The following SCN11A variants were observed in gnomAD, a reference collection of about 807,000 sequenced individuals.
The protein encoded by SCN11A is sodium voltage-gated channel alpha subunit 11.
SCN11A carries 122 observed loss-of-function variants against 162.2 expected under a neutral mutation model. The ratio of observed to expected loss-of-function variants is 0.75; its 90% CI spans 0.65 to 0.87. The LOEUF is 0.87. Ranked by LOEUF, SCN11A falls within the 40% of genes least tolerant of loss-of-function variation. The probability of loss-of-function intolerance (pLI) is 0.00; values close to 1 mark genes in which losing one functional copy is unlikely to be tolerated. For synonymous variants in SCN11A, 758 were observed against 751.5 expected, an observed-to-expected ratio of 1.01 and a Z score of -0.14; for missense variants, 2,015 against 2,181.6, an observed-to-expected ratio of 0.92 and a Z score of 1.52.
intron 28 of SCN11A, among the ~76,000 whole-genome samples, chr3:38,857,783 T>A (rs1048812310): frequency 6.6e-6 from 1 of 152,042 alleles, no homozygotes; most frequent in Non-Finnish European, 1.5e-5. Flanking sequence ...ACCTATCAGA[T>A]TAACAGTTAA....
chr3:38,894,428 T>C, intron 19 of SCN11A, 105 bp downstream of exon 19: 1 of 943,970 alleles, frequency 1.1e-6, no homozygotes, highest in Non-Finnish European at 1.6e-6. Context: ...CCACGTTTTG[T>C]ACCCTTATTA....
chr3:38,855,424 T>C (rs1005460956), intron 28 of SCN11A, among the ~76,000 whole-genome samples: 1 of 152,058 alleles, frequency 6.6e-6, no homozygotes, highest in African/African-American at 2.4e-5. Flanking sequence ...CACCTGATGG[T>C]TTTTCTCTAC....
intron 11 of SCN11A, among the ~76,000 whole-genome samples, chr3:38,917,005 TACCTAG>T (rs1372893524): frequency 6.6e-6 from 1 of 152,192 alleles, no homozygotes; most frequent in Non-Finnish European, 1.5e-5. Context: ...ATTCATATTG[TACCTAG>T]ACTGAGAGAG....
At chr3:39,026,264 C>A (rs1038092904) in intron 2 of SCN11A, among the ~76,000 whole-genome samples, 12 of 152,118 alleles carry the variant, frequency 7.9e-5, no homozygotes, top group Non-Finnish European at 1.5e-4. Flanking sequence ...ATCCTGTGTT[C>A]TTTTTTATGT....
chr3:39,037,472 GGGAGTACAATT>G (rs1170053454), intron 1 of SCN11A, among the ~76,000 whole-genome samples: 1 of 152,118 alleles, frequency 6.6e-6, no homozygotes, highest in Non-Finnish European at 1.5e-5. Flanking sequence ...GAATAACTAA[GGGAGTACAATT>G]GGAATGTTTG....
At chr3:38,864,906 A>G (rs2126090601) in intron 27 of SCN11A, among the ~76,000 whole-genome samples, 1 of 152,326 alleles carries the variant, frequency 6.6e-6, no homozygotes, top group Non-Finnish European at 1.5e-5. Context: ...GAATTAATAA[A>G]TAAACATTTT....
chr3:38,858,078 T>A (rs1185682529), intron 28 of SCN11A, among the ~76,000 whole-genome samples: 1 of 152,000 alleles, frequency 6.6e-6, no homozygotes, highest in African/African-American at 2.4e-5. Context: ...TAAAGCATAA[T>A]TCTCACGGGG....
chr3:39,030,370 A>G (rs2031715380), intron 2 of SCN11A, among the ~76,000 whole-genome samples: 1 of 152,162 alleles, frequency 6.6e-6, no homozygotes, highest in African/African-American at 2.4e-5. Flanking sequence ...TCCCAGTCTC[A>G]ACGGCAGAAA....
At chr3:38,899,846 TCCAC>T in intron 17 of SCN11A, 44 bp downstream of exon 17, 1 of 1,523,052 alleles carries the variant, frequency 6.6e-7, no homozygotes. Context: ...AAACGTTTTT[TCCAC>T]TTAGGCAGCT....
At chr3:39,019,098 C>T (rs796399038) in intron 2 of SCN11A, among the ~76,000 whole-genome samples, 2 of 152,272 alleles carry the variant, frequency 1.3e-5, no homozygotes, top group Middle Eastern at 3.4e-3. Context: ...CTGAATTCTG[C>T]TAAGGTGTAG....
chr3:38,872,200 C>T lies in SCN11A; in HGVS notation c.3488G>A (p.Gly1163Glu), dbSNP rs1246242222. ...TTCTTCTGCAGAATGTACCTTCATT[C>T]CTTCAAACTGGGACAGCGCACGAAG... ...RPLRALSQFE[G>E]MKVVVNALIG... Residue 1163 changes from glycine (G) to glutamate (E), a missense_variant, in exon 24 of 30, where the codon GGA (glycine) becomes GAA (glutamate). Transcript: ENST00000302328. The T allele has an allele frequency of 1.3e-6, 2 of 1,578,724 alleles. No homozygotes were observed. Among genetic ancestry groups the T allele is most frequent in the Non-Finnish European group, 1.7e-6 (2 of 1,148,004 alleles).
At chr3:38,942,281 C>G (rs1353611640) in intron 7 of SCN11A, among the ~76,000 whole-genome samples, 1 of 152,058 alleles carries the variant, frequency 6.6e-6, no homozygotes, top group Non-Finnish European at 1.5e-5. Context: ...GCCTCTCTTT[C>G]AGTAATTCAT....
At chr3:38,981,378 T>C (rs996359200) in intron 2 of SCN11A, among the ~76,000 whole-genome samples, 1 of 152,150 alleles carries the variant, frequency 6.6e-6, no homozygotes, top group African/African-American at 2.4e-5. Context: ...AAAAACAGAC[T>C]TGGAAAATGG....
chr3:38,866,286 T>A (rs2065040100), intron 27 of SCN11A, among the ~76,000 whole-genome samples: 1 of 151,954 alleles, frequency 6.6e-6, no homozygotes, highest in Non-Finnish European at 1.5e-5. Context: ...TGGAGCGATC[T>A]CGGCTTACTG....
At chr3:38,929,131 G>GCACACA (rs1553641802) in intron 7 of SCN11A, among the ~76,000 whole-genome samples, 3 of 36,994 alleles carry the variant, frequency 8.1e-5, no homozygotes, top group Non-Finnish European at 1.4e-4. Context: ...CTGGGTCTGT[G>GCACACA]CACGCACACA....
chr3:38,910,344 G>T, intron 11 of SCN11A, 137 bp from the exon 12 acceptor site: 1 of 734,184 alleles, frequency 1.4e-6, no homozygotes, highest in South Asian at 1.9e-5. Flanking sequence ...TTGTAAAGTG[G>T]CCCACTGCAC....
At chr3:39,042,974 A>AAAAAAAAAAAAAAAAAG (rs56332636) in intron 1 of SCN11A, among the ~76,000 whole-genome samples, 21 of 103,670 alleles carry the variant, frequency 2.0e-4, no homozygotes, top group African/African-American at 5.4e-4. Context: ...AAAAAAAAAA[A>AAAAAAAAAAAAAAAAAG]AAAAAGAAAA....
chr3:38,968,940 T>C (rs1464885338), intron 2 of SCN11A, among the ~76,000 whole-genome samples: 2 of 152,222 alleles, frequency 1.3e-5, no homozygotes, highest in Non-Finnish European at 2.9e-5. Flanking sequence ...ATATATGTGG[T>C]CTCCCACTAG....
At position 38,863,311 on chromosome 3, in the gene SCN11A, A is replaced by G; in HGVS notation, c.3952-12T>C. The G allele has an allele frequency of 7.3e-7, 1 of 1,363,552 alleles. No individual in the cohort carries two copies. The highest frequency in any genetic ancestry group is 1.2e-5 in the South Asian group (1 of 83,150). 84.5% of individuals were successfully genotyped at this position (1,363,552 alleles called of 1,614,324 possible). The stretch of plus-strand genomic sequence containing the variant: ...TCTTGGCCACCTAAGTATATGGAGA[A>G]GATAAGAGCTAATTACCTTTAACAG... On this transcript the variant is annotated splice_polypyrimidine_tract_variant and intron_variant, in intron 27 of 29. Coordinates refer to ENST00000302328, the MANE Select transcript of SCN11A (RefSeq NM_001349253.2).
Sources: gnomAD v4.1 joint callset for allele counts (sites outside exome capture counted in the v4.1 genomes callset) on GRCh38, gnomAD v4.1.1 for gene constraint, MANE v1.5 for transcripts, NCBI Gene and HGNC (gene_info 2026-07-23, HGNC 2026-07-21) for gene names.